Variants in KIRREL3 observed in about 807,000 individuals in gnomAD.
KIRREL3 encodes the protein kirre like nephrin family adhesion molecule 3.
Under a neutral mutation model 89.7 loss-of-function variants are expected in KIRREL3, and 36 were observed. The observed-to-expected ratio is 0.40, with a 90% CI of 0.31 to 0.53. The LOEUF is 0.53. KIRREL3 is among the 20% of genes least tolerant of loss of function. The pLI is 0.49. For missense variants in KIRREL3, 864 were observed against 1,056.6 expected, an observed-to-expected ratio of 0.82 and a Z score of 2.53; for synonymous variants, 445 against 441.4, an observed-to-expected ratio of 1.01 and a Z score of -0.10.
intron 1 of KIRREL3, among the ~76,000 whole-genome samples, chr11:126,757,528 C>T (rs1258310173): frequency 6.6e-6 from 1 of 152,238 alleles, no homozygotes; most frequent in African/African-American, 2.4e-5. Context: ...GAGACACAGA[C>T]AATTTCCTAT....
In KIRREL3 at chr11:126,592,201, G is replaced by A. The variant is rs12273268; in HGVS notation, c.56-29289C>T. On this transcript the variant is annotated intron_variant, in intron 1 of 16. Transcript: ENST00000525144. ...AGGTACTTTCCGAACAGTTATTGTCGTAATCCTTATAACAACACCATAACT... is the reference window on the plus strand; with the variant it reads ...AGGTACTTTCCGAACAGTTATTGTCATAATCCTTATAACAACACCATAACT... Among the ~76,000 whole-genome samples the A allele has an allele frequency of 2.8e-3, 428 of 152,210 alleles. 3 individuals are homozygous for A. The highest frequency in any genetic ancestry group is 9.5e-3 in the African/African-American group (395 of 41,522).
chr11:126,972,168 T>TGGAGAGAGAGAGAGAGAG (rs71472008), intron 1 of KIRREL3, among the ~76,000 whole-genome samples: 1 of 119,842 alleles, frequency 8.3e-6, no homozygotes, highest in Non-Finnish European at 1.8e-5. Context: ...GAGGGTCTGG[T>TGGAGAGAGAGAGAGAGAG]AGAGAGAGAG....
rs546097089 is a variant in KIRREL3 at position 126,584,376 on chromosome 11, T to A, written c.56-21464A>T. On this transcript the variant is annotated intron_variant, in intron 1 of 16. Transcript: ENST00000525144. ...GCGCCTGTGGATGCACTCTTCTGCC[T>A]ACTCCTGGAACTTGTCAAGGTTTGC... 5.3e-5 allele frequency among the ~76,000 whole-genome samples: 8 copies of A among 152,346 alleles called. No individual in the cohort carries two copies. The South Asian group carries it at 1.7e-3, about 32-fold the overall frequency.
intron 1 of KIRREL3, among the ~76,000 whole-genome samples, chr11:126,648,234 G>A (rs1026689522): frequency 3.3e-5 from 5 of 152,180 alleles, no homozygotes; most frequent in Admixed American, 6.5e-5. Context: ...AGAACCGTGA[G>A]TCAATTAAAC....
chr11:127,001,080 T>C (rs1032390813), upstream of KIRREL3: 1 of 159,180 alleles, frequency 6.3e-6, no homozygotes, highest in Non-Finnish European at 1.4e-5. Flanking sequence ...CACGATGTCC[T>C]GTTTAACAGT....
chr11:126,500,330 C>T (rs1347183582), intron 4 of KIRREL3, among the ~76,000 whole-genome samples: 12 of 152,116 alleles, frequency 7.9e-5, no homozygotes, highest in Non-Finnish European at 1.3e-4. Context: ...CTTGGTGCAT[C>T]TCAGCTGAGA....
chr11:126,895,388 G>A (rs531525724), intron 1 of KIRREL3, among the ~76,000 whole-genome samples: 5 of 150,908 alleles, frequency 3.3e-5, no homozygotes, highest in African/African-American at 4.9e-5. Flanking sequence ...GCTTGAACCC[G>A]GGAGGCGGAG....
intron 1 of KIRREL3, among the ~76,000 whole-genome samples, chr11:126,799,420 C>T (rs77071166): frequency 6.9e-3 from 3 of 432 alleles, no homozygotes; most frequent in Non-Finnish European, 0.015. Flanking sequence ...GTGTGCGTCT[C>T]TGTGTGCATG....
Position 126,615,942 on chromosome 11 carries a change from G to A in KIRREL3, c.56-53030C>T, listed in dbSNP as rs2134817323. 6.6e-6 allele frequency among the ~76,000 whole-genome samples: 1 copy of A among 152,276 alleles called. No homozygotes were observed. The highest frequency in any genetic ancestry group is 6.5e-5 in the Admixed American group (1 of 15,286). On this transcript the variant is annotated intron_variant, in intron 1 of 16. Coordinates refer to ENST00000525144, the MANE Select transcript of KIRREL3 (RefSeq NM_032531.4). The surrounding 1 kb of genome is among the most constrained non-coding windows in gnomAD (Gnocchi z 5.4). ...CCCCCGGGGACAGGACAGGATGGAG[G>A]GAGGAGCCCTGGGTGTGTGTGTGTG...
At chr11:126,886,095 C>T (rs557291553) in intron 1 of KIRREL3, among the ~76,000 whole-genome samples, 50 of 152,272 alleles carry the variant, frequency 3.3e-4, no homozygotes, top group Non-Finnish European at 4.3e-4. Context: ...TACTCCCTGC[C>T]CACATGACAT....
chr11:126,463,020 G>A lies in KIRREL3; in HGVS notation c.742+137C>T, dbSNP rs1016794413. ...GAAGACAAGATGGTCCTTCCTGTCC[G>A]TATCTACAAGCTGGCCAATCCACAG... On this transcript the variant is annotated intron_variant, in intron 6 of 16. Transcript: ENST00000525144. The surrounding 1 kb of genome is among the most constrained non-coding windows in gnomAD (Gnocchi z 5.9). The A allele has an allele frequency of 2.1e-5, 16 of 745,738 alleles. No individual in the cohort carries two copies. Among genetic ancestry groups the A allele is most frequent in the Admixed American group, 5.4e-5 (2 of 37,196 alleles). The allele number at this position is 745,738 out of a possible 1,614,324, so 46.2% of individuals were successfully genotyped here.
chr11:126,534,364 C>T (rs1366266621), intron 2 of KIRREL3, among the ~76,000 whole-genome samples: 2 of 152,208 alleles, frequency 1.3e-5, no homozygotes, highest in Non-Finnish European at 2.9e-5. Context: ...GCTGCGTGTG[C>T]ATGAACCTGC....
rs998483462 is a variant in KIRREL3, at chr11:126,694,963, CAATGCCTAG to C, written c.56-132060_56-132052del. Among the ~76,000 whole-genome samples the C allele has an allele frequency of 9.2e-5, 14 of 152,188 alleles. No homozygotes were observed. The highest frequency in any genetic ancestry group is 3.4e-4 in the African/African-American group (14 of 41,438). ...TGATTGGGAGATGAGATGCGAGTCTCAATGCCTAGAATGCTCTATAGCAGGGGTCAGCAA... is the reference window on the plus strand; with the variant it reads ...TGATTGGGAGATGAGATGCGAGTCTCAATGCTCTATAGCAGGGGTCAGCAA... On this transcript the variant is annotated intron_variant, in intron 1 of 16. Transcript: ENST00000525144. This position sits in a 1 kb window ranked among gnomAD's most constrained non-coding sequence, Gnocchi z 4.4.
At chr11:126,888,814 A>T (rs1187759507) in intron 1 of KIRREL3, among the ~76,000 whole-genome samples, 1 of 152,210 alleles carries the variant, frequency 6.6e-6, no homozygotes, top group Non-Finnish European at 1.5e-5. Context: ...GTCGACAGTG[A>T]TTAAAGGAGA....
At chr11:126,760,647 C>G (rs1949640971) in intron 1 of KIRREL3, among the ~76,000 whole-genome samples, 1 of 152,148 alleles carries the variant, frequency 6.6e-6, no homozygotes, top group African/African-American at 2.4e-5. Context: ...AGGATCTATT[C>G]AGGATCTGCA....
rs1379932748 is a variant in KIRREL3, at chr11:126,740,556, C to A, written c.56-177644G>T. Reference sequence around the variant, plus strand: ...TGTTCCTTATATTTGTGATGTATTCCTATGGGCAAAGTATCGCTCTAGCCC... The same window carrying A: ...TGTTCCTTATATTTGTGATGTATTCATATGGGCAAAGTATCGCTCTAGCCC... On this transcript the variant is annotated intron_variant, in intron 1 of 16. Coordinates refer to ENST00000525144, the MANE Select transcript of KIRREL3 (RefSeq NM_032531.4). This position sits in a 1 kb window ranked among gnomAD's most constrained non-coding sequence, Gnocchi z 6.0. Among the ~76,000 whole-genome samples the A allele has an allele frequency of 6.6e-6, 1 of 152,096 alleles. No individual in the cohort carries two copies. Among genetic ancestry groups the A allele is most frequent in the East Asian group, 1.9e-4 (1 of 5,190 alleles).
intron 12 of KIRREL3, 65 bp from the exon 13 acceptor site, chr11:126,435,368 G>C: frequency 5.2e-6 from 8 of 1,529,580 alleles, no homozygotes; most frequent in Non-Finnish European, 7.2e-6. Flanking sequence ...GTGGGACTGG[G>C]AATTAGCTGC....
chr11:126,583,795 C>G (rs956606480), intron 1 of KIRREL3, among the ~76,000 whole-genome samples: 3 of 152,166 alleles, frequency 2.0e-5, no homozygotes, highest in African/African-American at 7.2e-5. Flanking sequence ...ACGACCCTCG[C>G]CCGGGGAAAT....
chr11:126,547,969 C>T (rs1295986362), intron 2 of KIRREL3, among the ~76,000 whole-genome samples: 1 of 152,152 alleles, frequency 6.6e-6, no homozygotes, highest in Non-Finnish European at 1.5e-5. Flanking sequence ...TTTCTTCCTC[C>T]TCAGAATGTG....
Sources: allele counts gnomAD v4.1 joint callset (sites outside exome capture counted in the v4.1 genomes callset), GRCh38; gene constraint gnomAD v4.1.1; non-coding constraint Gnocchi (gnomAD v3.1); transcripts MANE v1.5; gene names NCBI Gene and HGNC (gene_info 2026-07-23, HGNC 2026-07-21).